Variants in NCKAP1L observed in about 807,000 individuals in gnomAD.
NCKAP1L encodes the protein nck-associated protein 1-like.
NCKAP1L carries 53 observed loss-of-function variants against 139.2 expected under a neutral mutation model. The ratio of observed to expected loss-of-function variants is 0.38; its 90% CI spans 0.31 to 0.48. The LOEUF is 0.48. NCKAP1L is among the 20% of genes least tolerant of loss of function. The probability of loss-of-function intolerance (pLI) is 0.98; values close to 1 mark genes in which losing one functional copy is unlikely to be tolerated. For missense variants in NCKAP1L, 1,151 were observed against 1,381.9 expected (o/e 0.83, Z 2.65); for synonymous variants, 468 against 499.7 (o/e 0.94, Z 0.85).
At chr12:54,534,825 C>T (rs1957101438) in intron 26 of NCKAP1L, among the ~76,000 whole-genome samples, 1 of 152,082 alleles carries the variant, frequency 6.6e-6, no homozygotes, top group Non-Finnish European at 1.5e-5. Context: ...GAGAAGATGA[C>T]AATAAACCAG....
At chr12:54,535,066 T>G in intron 26 of NCKAP1L, 38 bp from the exon 27 acceptor site, 1 of 1,562,894 alleles carries the variant, frequency 6.4e-7, no homozygotes, top group Non-Finnish European at 8.8e-7. Context: ...CATTGTGTCC[T>G]GCGAATCCTC....
At chr12:54,514,488 A>C (rs952273549) in intron 9 of NCKAP1L, among the ~76,000 whole-genome samples, 3 of 151,788 alleles carry the variant, frequency 2.0e-5, no homozygotes, top group East Asian at 1.9e-4. Flanking sequence ...CCCCCAGCTA[A>C]TTTTTTGTAT....
At chr12:54,522,387 A>G (rs1956990993) in intron 18 of NCKAP1L, among the ~76,000 whole-genome samples, 1 of 152,264 alleles carries the variant, frequency 6.6e-6, no homozygotes, top group Non-Finnish European at 1.5e-5. Context: ...CTGTCGTCTC[A>G]GGGATGACTA....
At chr12:54,536,322 T>C in intron 28 of NCKAP1L, 77 bp downstream of exon 28, 1 of 1,055,926 alleles carries the variant, frequency 9.5e-7, no homozygotes, top group Non-Finnish European at 1.5e-6. Flanking sequence ...ACAGAGATAC[T>C]GGAAAATATA....
chr12:54,535,989 A>T, intron 27 of NCKAP1L, 140 bp from the exon 28 acceptor site: 1 of 633,184 alleles, frequency 1.6e-6, no homozygotes, highest in South Asian at 1.7e-5. Context: ...TAACTTGCCC[A>T]TAGGCTTTAT....
chr12:54,538,033 C>T (rs58486241), intron 29 of NCKAP1L, among the ~76,000 whole-genome samples: 4,580 of 152,262 alleles, frequency 0.03, 167 homozygotes, highest in African/African-American at 0.087. Context: ...GTCCATTCCC[C>T]TCTGCCTGCT....
Position 54,517,563 on chromosome 12 carries a change from A to G in NCKAP1L, c.1126A>G (p.Ile376Val). Residue 376 changes from isoleucine (I) to valine (V), a missense_variant, in exon 12 of 31, where the codon ATT (isoleucine) becomes GTT (valine). By Grantham distance (29) the Ile-to-Val change is conservative. Transcript: ENST00000293373. ...ALFAFMALSF[I>V]RDEVTWLVRH... ...TTTTGCTTTCATGGCCCTGTCCTTC[A>G]TTCGTGATGAGGTCACCTGGCTGGT... 2 of 1,614,118 alleles carry G rather than the reference A, an allele frequency of 1.2e-6. No individual in the cohort carries two copies. Among genetic ancestry groups the G allele is most frequent in the Non-Finnish European group, 1.7e-6 (2 of 1,180,010 alleles).
intron 3 of NCKAP1L, among the ~76,000 whole-genome samples, chr12:54,506,862 G>A (rs1259632026): frequency 1.6e-5 from 2 of 125,630 alleles, no homozygotes; most frequent in African/African-American, 3.1e-5. Flanking sequence ...AGAAATGAAA[G>A]TACCAATATT....
chr12:54,523,145 C>T (rs1416802403), intron 18 of NCKAP1L, among the ~76,000 whole-genome samples: 1 of 152,130 alleles, frequency 6.6e-6, no homozygotes, highest in Non-Finnish European at 1.5e-5. Context: ...GAGTGAGGCT[C>T]TGATCCCAGA....
At chr12:54,514,838 A>G (rs926789013) in intron 9 of NCKAP1L, among the ~76,000 whole-genome samples, 8 of 152,210 alleles carry the variant, frequency 5.3e-5, no homozygotes, top group Admixed American at 1.3e-4. Context: ...TCTGAGATTA[A>G]TAATTAGAAG....
intron 30 of NCKAP1L, among the ~76,000 whole-genome samples, chr12:54,540,404 G>T (rs1308105705): frequency 2.6e-5 from 4 of 152,182 alleles, no homozygotes; most frequent in Admixed American, 2.0e-4. Context: ...TGTTTGGTGA[G>T]GCAAGAGGGC....
At chr12:54,514,151 T>C (rs997983247) in intron 9 of NCKAP1L, among the ~76,000 whole-genome samples, 2 of 152,232 alleles carry the variant, frequency 1.3e-5, no homozygotes, top group African/African-American at 4.8e-5. Context: ...TAGAGACTTA[T>C]TATTTTTAAC....
At chr12:54,539,974 A>T (rs570942986) in intron 30 of NCKAP1L, among the ~76,000 whole-genome samples, 4 of 152,328 alleles carry the variant, frequency 2.6e-5, no homozygotes, top group Admixed American at 2.0e-4. Flanking sequence ...AGTGCACACA[A>T]AATCCCTCTA....
rs1474500443 is a variant in NCKAP1L at position 54,528,357 on chromosome 12, A to G, written c.2486A>G (p.Glu829Gly). 1 of 1,613,932 alleles carries G rather than the reference A, an allele frequency of 6.2e-7. No individual in the cohort carries two copies. The highest frequency in any genetic ancestry group is 8.5e-7 in the Non-Finnish European group (1 of 1,179,922). ...GAAGGGGAGCAGAACTTCAGTGCAG[A>G]GGAGTTCTCTGACATCTCTGGTGAG... ...PREGEQNFSA[E>G]EFSDISEMRA... Residue 829 changes from glutamate (E) to glycine (G), a missense_variant, in exon 22 of 31, where the codon GAG becomes GGG. Transcript: ENST00000293373.
At chr12:54,509,640 T>C in intron 5 of NCKAP1L, 29 bp from the exon 6 acceptor site, 1 of 1,518,376 alleles carries the variant, frequency 6.6e-7, no homozygotes, top group Non-Finnish European at 9.1e-7. Context: ...AAGGGAGGGC[T>C]GTAACCCCTC....
At chr12:54,541,843 G>A (rs1957160578) in intron 30 of NCKAP1L, among the ~76,000 whole-genome samples, 1 of 152,074 alleles carries the variant, frequency 6.6e-6, no homozygotes, top group South Asian at 2.1e-4. Flanking sequence ...GGCACTGAAG[G>A]AAATACACCC....
intron 12 of NCKAP1L, 39 bp from the exon 13 acceptor site, chr12:54,517,767 T>C: frequency 6.2e-7 from 1 of 1,611,864 alleles, no homozygotes; most frequent in Non-Finnish European, 8.5e-7. Context: ...TTCATATTTC[T>C]AGTCTTATTC....
At chr12:54,532,287 CTT>C in intron 26 of NCKAP1L, 37 bp downstream of exon 26, 2 of 1,548,032 alleles carry the variant, frequency 1.3e-6, no homozygotes, top group Non-Finnish European at 1.8e-6. Context: ...AATTAGGAGA[CTT>C]TTGTTGTTGA....
At chr12:54,513,540 A>C (rs1956905591) in intron 9 of NCKAP1L, among the ~76,000 whole-genome samples, 1 of 152,208 alleles carries the variant, frequency 6.6e-6, no homozygotes, top group African/African-American at 2.4e-5. Flanking sequence ...AGTGGGAGAT[A>C]CTGAAAAGAA....
Sources: gnomAD v4.1 joint callset for allele counts (sites outside exome capture counted in the v4.1 genomes callset) on GRCh38, gnomAD v4.1.1 for gene constraint, MANE v1.5 for transcripts, NCBI Gene and HGNC (gene_info 2026-07-23, HGNC 2026-07-21) for gene names.